KIF26B: variants seen among roughly 807,000 people sequenced by gnomAD.
KIF26B encodes kinesin family member 26B.
A neutral mutation model predicts 151.2 loss-of-function variants in KIF26B; 63 were observed. The observed-to-expected ratio is 0.42, with a 90% CI of 0.34 to 0.51. KIF26B has a LOEUF of 0.51. KIF26B is among the 20% of genes least tolerant of loss of function. The pLI, the probability that KIF26B is intolerant of heterozygous loss-of-function variation, is 0.07. For synonymous variants in KIF26B, 1,357 were observed against 1,262.1 expected, an observed-to-expected ratio of 1.08 and a Z score of -1.59; for missense variants, 2,813 against 2,913.6, an observed-to-expected ratio of 0.97 and a Z score of 0.79.
chr1:245,511,002 T>C, intron 4 of KIF26B: 1 of 692,206 alleles, frequency 1.4e-6, no homozygotes, highest in Non-Finnish European at 2.7e-6. Flanking sequence ...TTTTACTTTC[T>C]CCTGAGATGG....
At chr1:245,679,416 T>C (rs2044398718) in intron 10 of KIF26B, among the ~76,000 whole-genome samples, 1 of 151,786 alleles carries the variant, frequency 6.6e-6, no homozygotes, top group African/African-American at 2.4e-5. Flanking sequence ...AAAAGACATT[T>C]TTCTAAAAAT....
intron 4 of KIF26B, among the ~76,000 whole-genome samples, chr1:245,513,320 A>G (rs1191105098): frequency 1.3e-5 from 2 of 151,868 alleles, no homozygotes; most frequent in South Asian, 2.1e-4. Context: ...ATACCTGCAC[A>G]TGGTCTTTGA....
chr1:245,179,108 C>T (rs1668861063), intron 2 of KIF26B, among the ~76,000 whole-genome samples: 1 of 152,080 alleles, frequency 6.6e-6, no homozygotes. Flanking sequence ...AAAAGACTGC[C>T]CCTGTCTTTG....
intron 5 of KIF26B, among the ~76,000 whole-genome samples, chr1:245,557,195 T>A (rs1662060388): frequency 6.6e-6 from 1 of 152,224 alleles, no homozygotes; most frequent in African/African-American, 2.4e-5. Flanking sequence ...ACTTTCCAAA[T>A]AAGTTGGATA....
At chr1:245,538,627 G>C (rs2103101048) in intron 4 of KIF26B, among the ~76,000 whole-genome samples, 1 of 152,218 alleles carries the variant, frequency 6.6e-6, no homozygotes, top group African/African-American at 2.4e-5. Flanking sequence ...TCCCCTGTCT[G>C]TCTCTCCATG....
At chr1:245,635,429 TTTA>T (rs1258749599) in intron 9 of KIF26B, among the ~76,000 whole-genome samples, 1 of 152,194 alleles carries the variant, frequency 6.6e-6, no homozygotes, top group Non-Finnish European at 1.5e-5. Context: ...ATAATGTTTC[TTTA>T]TTATCTTTTT....
intron 4 of KIF26B, among the ~76,000 whole-genome samples, chr1:245,459,907 T>A (rs1204535333): frequency 6.6e-6 from 1 of 151,916 alleles, no homozygotes; most frequent in East Asian, 1.9e-4. Flanking sequence ...CTTTTTTTTT[T>A]TTCCCTGCCT....
intron 2 of KIF26B, among the ~76,000 whole-genome samples, chr1:245,294,476 C>T (rs1443305690): frequency 1.3e-5 from 2 of 152,114 alleles, no homozygotes; most frequent in African/African-American, 2.4e-5. Context: ...GACTTGTCTT[C>T]CTAAGGAGTC....
At position 245,435,512 on chromosome 1, in the gene KIF26B, A is replaced by C. The variant is rs144235673; in HGVS notation, c.1166+15767A>C. ...CCTTCCTAGAATGTAAGATCCATGGAAAGAGGTACTTGTCTAGCTTATTCC... is the reference window on the plus strand; with the variant it reads ...CCTTCCTAGAATGTAAGATCCATGGCAAGAGGTACTTGTCTAGCTTATTCC... On this transcript the variant is annotated intron_variant, in intron 4 of 14. Transcript: ENST00000407071. Among the ~76,000 whole-genome samples the C allele has an allele frequency of 5.7e-3, 868 of 152,340 alleles. 4 individuals are homozygous for C. Among genetic ancestry groups the C allele is most frequent in the Middle Eastern group, 0.02 (6 of 294 alleles).
At chr1:245,226,566 C>T (rs1227847747) in intron 2 of KIF26B, among the ~76,000 whole-genome samples, 5 of 151,984 alleles carry the variant, frequency 3.3e-5, no homozygotes, top group African/African-American at 7.3e-5. Flanking sequence ...AGGTTCTAAG[C>T]GATTCTCCTG....
chr1:245,598,291 A>G (rs1208513983), intron 5 of KIF26B, among the ~76,000 whole-genome samples: 1 of 152,166 alleles, frequency 6.6e-6, no homozygotes, highest in Non-Finnish European at 1.5e-5. Context: ...AAGCTCATGC[A>G]TGAGAAGCGC....
intron 4 of KIF26B, among the ~76,000 whole-genome samples, chr1:245,428,318 A>G (rs954311401): frequency 2.6e-5 from 4 of 152,184 alleles, no homozygotes; most frequent in Non-Finnish European, 5.9e-5. Context: ...AACTCACCTT[A>G]TGAAAGGAAA....
intron 9 of KIF26B, among the ~76,000 whole-genome samples, chr1:245,640,036 C>G (rs191515284): frequency 3.5e-4 from 53 of 149,632 alleles, no homozygotes; most frequent in Admixed American, 3.5e-3. Context: ...CCTGAATGAT[C>G]CACCTATTGC....
intron 4 of KIF26B, among the ~76,000 whole-genome samples, chr1:245,449,199 G>A (rs964206470): frequency 2.0e-5 from 3 of 152,200 alleles, no homozygotes; most frequent in Non-Finnish European, 2.9e-5. Flanking sequence ...CAAAGATCTA[G>A]CTTTTATTGA....
chr1:245,205,951 TGGTCTGG>T (rs1365419800), intron 2 of KIF26B, among the ~76,000 whole-genome samples: 2 of 149,222 alleles, frequency 1.3e-5, no homozygotes, highest in Non-Finnish European at 3.0e-5. Context: ...TTGCCCAGGG[TGGTCTGG>T]AACTCCTGGC....
chr1:245,580,357 G>A (rs1378877525), intron 5 of KIF26B, among the ~76,000 whole-genome samples: 1 of 152,232 alleles, frequency 6.6e-6, no homozygotes, highest in African/African-American at 2.4e-5. Context: ...CTACCCGAGT[G>A]AGCAGGTGTT....
At position 245,352,138 on chromosome 1, in the gene KIF26B, CTG is replaced by C. The variant is rs142378478; in HGVS notation, c.466-14692_466-14691del. Among the ~76,000 whole-genome samples the C allele has an allele frequency of 0.053, 8,036 of 152,256 alleles. 308 individuals carry two copies. The highest frequency in any genetic ancestry group is 0.11 in the African/African-American group (4,480 of 41,536). On this transcript the variant is annotated intron_variant, in intron 2 of 14. Transcript: ENST00000407071. The surrounding 1 kb of genome is among the most constrained non-coding windows in gnomAD (Gnocchi z 5.0). ...AGGGAAGGTCCAAGTCCCACCCATACTGTGTTTCTCAAATATTCTCAAATTGT... is the reference window on the plus strand; with the variant it reads ...AGGGAAGGTCCAAGTCCCACCCATACTGTTTCTCAAATATTCTCAAATTGT...
chr1:245,285,961 G>A (rs1243992617), intron 2 of KIF26B, among the ~76,000 whole-genome samples: 2 of 143,448 alleles, frequency 1.4e-5, no homozygotes, highest in South Asian at 2.2e-4. Flanking sequence ...TGGCACCACT[G>A]CACTCCAGCC....
At chr1:245,391,678 G>A (rs1673705389) in intron 3 of KIF26B, among the ~76,000 whole-genome samples, 1 of 150,584 alleles carries the variant, frequency 6.6e-6, no homozygotes, top group Non-Finnish European at 1.5e-5. Flanking sequence ...AAAAAAGAGA[G>A]AGATTTGTGA....
Sources: gnomAD v4.1 joint callset for allele counts (sites outside exome capture counted in the v4.1 genomes callset) on GRCh38, gnomAD v4.1.1 for gene constraint, Gnocchi (gnomAD v3.1) non-coding constraint, MANE v1.5 for transcripts, NCBI Gene and HGNC (gene_info 2026-07-23, HGNC 2026-07-21) for gene names.